FAM83B: variants seen among roughly 807,000 people sequenced by gnomAD.
FAM83B encodes protein FAM83B.
FAM83B carries 26 observed loss-of-function variants against 38.8 expected under a neutral mutation model. The ratio of observed to expected loss-of-function variants is 0.67; its 90% CI spans 0.49 to 0.93. The LOEUF is 0.93. Among genes scored for constraint, FAM83B ranks in the 40% least tolerant of loss-of-function variants. The pLI is 0.00. For missense variants in FAM83B, 1,237 were observed against 1,197.3 expected, an observed-to-expected ratio of 1.03 and a Z score of -0.49; for synonymous variants, 419 against 423.1, an observed-to-expected ratio of 0.99 and a Z score of 0.12.
chr6:54,858,563 C>A (rs945072279), intron 1 of FAM83B, among the ~76,000 whole-genome samples: 1 of 152,058 alleles, frequency 6.6e-6, no homozygotes, highest in African/African-American at 2.4e-5. Flanking sequence ...ATTTAAACAG[C>A]CAATTAATCT....
At chr6:54,884,775 A>AT (rs34445504) in intron 2 of FAM83B, among the ~76,000 whole-genome samples, 18,191 of 141,556 alleles carry the variant, frequency 0.13, 1,788 homozygotes, top group African/African-American at 0.27. Flanking sequence ...GTCCTCCAGT[A>AT]TTTTTTTTTT....
intron 2 of FAM83B, among the ~76,000 whole-genome samples, chr6:54,905,053 G>T (rs921353598): frequency 3.3e-5 from 5 of 152,162 alleles, no homozygotes; most frequent in Non-Finnish European, 7.3e-5. Context: ...GGAGTAGGTG[G>T]ATAGGAGGAG....
chr6:54,890,490 A>G (rs938590451), intron 2 of FAM83B, among the ~76,000 whole-genome samples: 1 of 152,096 alleles, frequency 6.6e-6, no homozygotes, highest in Admixed American at 6.6e-5. Flanking sequence ...GTTAACTTGT[A>G]TGTCCATATT....
chr6:54,902,577 C>T (rs186973600), intron 2 of FAM83B, among the ~76,000 whole-genome samples: 22 of 152,156 alleles, frequency 1.4e-4, no homozygotes, highest in Admixed American at 1.3e-3. Context: ...CCTCATTGAT[C>T]ATCATAGTTA....
intron 2 of FAM83B, among the ~76,000 whole-genome samples, chr6:54,905,069 G>C (rs931282204): frequency 6.6e-6 from 1 of 151,880 alleles, no homozygotes; most frequent in African/African-American, 2.4e-5. Flanking sequence ...AGGAGTAGTT[G>C]CAGGGCACCT....
At chr6:54,876,278 CATATATATAT>C (rs3996949) in intron 2 of FAM83B, among the ~76,000 whole-genome samples, 1,752 of 95,954 alleles carry the variant, frequency 0.018, 57 homozygotes, top group African/African-American at 0.057. Flanking sequence ...TTTAGGAGTG[CATATATATAT>C]ATATATATAT....
intron 4 of FAM83B, among the ~76,000 whole-genome samples, chr6:54,935,707 A>G (rs1376205918): frequency 6.6e-6 from 1 of 152,114 alleles, no homozygotes; most frequent in Admixed American, 6.6e-5. Context: ...TGTTCTGTTG[A>G]TTGAAAAATG....
chr6:54,899,313 A>G (rs1219287539), intron 2 of FAM83B, among the ~76,000 whole-genome samples: 2 of 152,198 alleles, frequency 1.3e-5, no homozygotes, highest in African/African-American at 4.8e-5. Flanking sequence ...AAGGATTTCA[A>G]AAATCACAAG....
chr6:54,915,825 A>AAAAAAG (rs1773024042), intron 2 of FAM83B, among the ~76,000 whole-genome samples: 1 of 89,736 alleles, frequency 1.1e-5, no homozygotes, highest in Non-Finnish European at 2.2e-5. Flanking sequence ...AAAAAAAAAA[A>AAAAAAG]AAAAAAAAAA....
intron 2 of FAM83B, among the ~76,000 whole-genome samples, chr6:54,878,800 C>G (rs1490604243): frequency 3.3e-5 from 5 of 151,964 alleles, no homozygotes. Flanking sequence ...TAACAGTATA[C>G]TTCTGGCTGT....
chr6:54,903,682 CT>C (rs1160375695), intron 2 of FAM83B, among the ~76,000 whole-genome samples: 2 of 152,058 alleles, frequency 1.3e-5, no homozygotes, highest in Admixed American at 6.6e-5. Flanking sequence ...ATAAAATCGT[CT>C]TCATAAAATC....
At chr6:54,889,494 C>T (rs239781) in intron 2 of FAM83B, among the ~76,000 whole-genome samples, 98,117 of 151,888 alleles carry the variant, frequency 0.65, 33,633 homozygotes, top group East Asian at 0.89. Flanking sequence ...TGTACCAATG[C>T]GGGATACCAA....
At position 54,939,898 on chromosome 6, in the gene FAM83B, G is replaced by C; in HGVS notation, c.927G>C (p.Ser309=). Reference sequence around the variant, plus strand: ...GGGAAAATGGCACTTACCAGCATTCGGTGTCTTCATTAGCATCTGTTTCCA... The same window carrying C: ...GGGAAAATGGCACTTACCAGCATTCCGTGTCTTCATTAGCATCTGTTTCCA... ...ALWENGTYQH[S]VSSLASVSSQ... The change falls in exon 5 of 5, where the codon TCG becomes TCC. Residue 309 remains serine (S), a synonymous_variant. Coordinates refer to ENST00000306858, the MANE Select transcript of FAM83B (RefSeq NM_001010872.3). The C allele has an allele frequency of 6.2e-7, 1 of 1,613,894 alleles. No individual in the cohort carries two copies. The highest frequency in any genetic ancestry group is 8.5e-7 in the Non-Finnish European group (1 of 1,179,950).
Position 54,873,949 on chromosome 6 carries a change from G to A in FAM83B, c.444+3259G>A, listed in dbSNP as rs146597513. Among the ~76,000 whole-genome samples, 378 of 151,974 alleles carry A rather than the reference G, an allele frequency of 2.5e-3. 1 individual carries two copies. Among genetic ancestry groups the A allele is most frequent in the African/African-American group, 8.6e-3 (359 of 41,526 alleles). The stretch of plus-strand genomic sequence containing the variant: ...TAATATAAAAGTTATCTGCTTAAAG[G>A]CCCAAACATTTGAAGTCTGATTATA... On this transcript the variant is annotated intron_variant, in intron 2 of 4. Transcript: ENST00000306858.
chr6:54,928,718 A>G (rs1336143046), intron 4 of FAM83B, among the ~76,000 whole-genome samples: 1 of 152,140 alleles, frequency 6.6e-6, no homozygotes, highest in Admixed American at 6.6e-5. Flanking sequence ...TTTTAATTGA[A>G]CTTTTAATTA....
intron 2 of FAM83B, among the ~76,000 whole-genome samples, chr6:54,920,012 CT>C (rs1354885982): frequency 1.3e-5 from 2 of 151,820 alleles, no homozygotes; most frequent in African/African-American, 4.8e-5. Context: ...TCTTAAATAT[CT>C]GAGAAATTAT....
At chr6:54,925,948 G>A (rs1773278230) in intron 2 of FAM83B, among the ~76,000 whole-genome samples, 1 of 151,538 alleles carries the variant, frequency 6.6e-6, no homozygotes, top group Admixed American at 6.6e-5. Context: ...TTTTTTCTCT[G>A]TCTCAGTTCC....
At chr6:54,924,188 T>TAC (rs59997305) in intron 2 of FAM83B, among the ~76,000 whole-genome samples, 1,975 of 147,880 alleles carry the variant, frequency 0.013, 19 homozygotes, top group South Asian at 0.024. Context: ...TATTCATTTA[T>TAC]ACACACACAC....
Position 54,943,189 on chromosome 6 carries a change from T to C in FAM83B, c.*1182T>C, listed in dbSNP as rs774934559. ...GTGCTGGGATTACAGGTCTTGCTCT[T>C]CTTTAAGTTGTGCCAAATATGATAT... On this transcript the variant is annotated 3_prime_UTR_variant, in exon 5 of 5. Transcript: ENST00000306858. The C allele has an allele frequency of 1.3e-5, 2 of 152,104 alleles. No homozygotes were observed. Among genetic ancestry groups the C allele is most frequent in the Non-Finnish European group, 2.9e-5 (2 of 68,006 alleles). 9.4% of individuals were successfully genotyped at this position (152,104 alleles called of 1,614,324 possible). A position where few individuals can be genotyped will look rare whatever the true frequency, so the allele number is the denominator to read the frequency against.
Sources: allele counts gnomAD v4.1 joint callset (sites outside exome capture counted in the v4.1 genomes callset), GRCh38; gene constraint gnomAD v4.1.1; transcripts MANE v1.5; gene names NCBI Gene and HGNC (gene_info 2026-07-23, HGNC 2026-07-21).